The following SBSPON variants were observed in gnomAD, a reference collection of about 807,000 sequenced individuals.
SBSPON encodes the protein somatomedin-B and thrombospondin type-1 domain-containing protein.
A neutral mutation model predicts 35.8 loss-of-function variants in SBSPON; 30 were observed. The observed-to-expected ratio is 0.84, with a 90% CI of 0.63 to 1.14. SBSPON has a LOEUF of 1.14. Ranked by LOEUF, SBSPON falls within the 50% of genes most tolerant of loss-of-function variation. SBSPON has a pLI of 0.00. For missense variants in SBSPON, 364 were observed against 357.7 expected (o/e 1.02, Z -0.14); for synonymous variants, 136 against 135.9 (o/e 1.00, Z 0.00).
At chr8:73,084,257 G>C (rs1433924156) in intron 1 of SBSPON, among the ~76,000 whole-genome samples, 1 of 152,198 alleles carries the variant, frequency 6.6e-6, no homozygotes, top group Non-Finnish European at 1.5e-5. Flanking sequence ...ACAGCCAAAG[G>C]AGAATAAGTT....
intron 2 of SBSPON, among the ~76,000 whole-genome samples, chr8:73,073,939 T>C (rs1167450339): frequency 1.3e-5 from 2 of 152,198 alleles, no homozygotes; most frequent in East Asian, 1.9e-4. Flanking sequence ...ACTGTAGCGT[T>C]TGCATTTCTA....
Position 73,083,165 on chromosome 8 carries a change from A to G in SBSPON, c.215-1952T>C, listed in dbSNP as rs150137446. On this transcript the variant is annotated intron_variant, in intron 1 of 4. Coordinates refer to ENST00000297354, the MANE Select transcript of SBSPON (RefSeq NM_153225.4). ...TGGTCTCACAGTTGAAGTCCTCAAA[A>G]TTACAGAATCAATCATTGCATCAAG... is the stretch of plus-strand genomic sequence containing the variant. Among the ~76,000 whole-genome samples, 52 of 152,318 alleles carry G rather than the reference A, an allele frequency of 3.4e-4. 1 individual carries two copies. In the East Asian group the frequency reaches 9.6e-3, roughly 28 times the overall value.
intron 4 of SBSPON, among the ~76,000 whole-genome samples, chr8:73,069,517 A>G (rs1215399414): frequency 2.6e-5 from 4 of 151,992 alleles, no homozygotes; most frequent in Non-Finnish European, 5.9e-5. Flanking sequence ...CAGTCTACCC[A>G]CCTCGGCCTC....
chr8:73,070,331 T>C (rs1023911622), intron 3 of SBSPON, among the ~76,000 whole-genome samples: 2 of 152,200 alleles, frequency 1.3e-5, no homozygotes, highest in African/African-American at 4.8e-5. Context: ...CTTGATAATT[T>C]TGCTGATCTA....
At position 73,067,197 on chromosome 8, in the gene SBSPON, C is replaced by T; in HGVS notation, c.*144G>A. On this transcript the variant is annotated 3_prime_UTR_variant, in exon 5 of 5. Transcript: ENST00000297354. The stretch of plus-strand genomic sequence containing the variant: ...GACCTGTGTTCCTTGAGAACTGGCC[C>T]CTAAATTTTCTTTCTCTACTTCAGA... The T allele has an allele frequency of 1.9e-6, 1 of 533,180 alleles. No homozygotes were observed. Among genetic ancestry groups the T allele is most frequent in the Middle Eastern group, 3.8e-4 (1 of 2,646 alleles). The allele number at this position is 533,180 out of a possible 1,614,324, so 33.0% of individuals were successfully genotyped here.
At position 73,064,781 on chromosome 8, in the gene SBSPON, C is replaced by G. The variant is rs1810356900; in HGVS notation, c.*2560G>C. ...TTTCCTTCACTTGTTTTTCACTTTT[C>G]TCTTCAAAAATGGCCATTATCCCTT... On this transcript the variant is annotated 3_prime_UTR_variant, in exon 5 of 5. Transcript: ENST00000297354. 6.6e-6 allele frequency: 1 copy of G among 151,924 alleles called. No individual in the cohort carries two copies. Among genetic ancestry groups the G allele is most frequent in the African/African-American group, 2.4e-5 (1 of 41,378 alleles). 9.4% of individuals were successfully genotyped at this position (151,924 alleles called of 1,614,324 possible).
chr8:73,068,033 G>A (rs367880466), intron 4 of SBSPON, among the ~76,000 whole-genome samples: 2 of 152,190 alleles, frequency 1.3e-5, no homozygotes, highest in East Asian at 1.9e-4. Context: ...TGTTCTATGT[G>A]TATTTAAACT....
At position 73,067,243 on chromosome 8, in the gene SBSPON, G is replaced by T; in HGVS notation, c.*98C>A. 1.4e-6 allele frequency: 1 copy of T among 714,472 alleles called. No individual in the cohort carries two copies. Among genetic ancestry groups the T allele is most frequent in the South Asian group, 1.6e-5 (1 of 61,562 alleles). The allele number at this position is 714,472 out of a possible 1,614,324, so 44.3% of individuals were successfully genotyped here. The stretch of plus-strand genomic sequence containing the variant: ...TCAGAGTGTGGCAATGATGTGTTTG[G>T]GGACTTTGGCCAAAATTGAAGGTTT... On this transcript the variant is annotated 3_prime_UTR_variant, in exon 5 of 5. Transcript: ENST00000297354.
At chr8:73,073,801 C>CAAAAAAA (rs548358079) in intron 2 of SBSPON, among the ~76,000 whole-genome samples, 1 of 118,308 alleles carries the variant, frequency 8.5e-6, no homozygotes, top group Non-Finnish European at 1.8e-5. Flanking sequence ...AAGACCATCT[C>CAAAAAAA]AAAAAAAAAA....
At chr8:73,071,350 G>A (rs561543148) in intron 3 of SBSPON, among the ~76,000 whole-genome samples, 2 of 152,274 alleles carry the variant, frequency 1.3e-5, no homozygotes, top group African/African-American at 2.4e-5. Context: ...GCAGAAGAAT[G>A]GATTTCAGCT....
At chr8:73,076,532 A>G (rs1174949580) in intron 2 of SBSPON, among the ~76,000 whole-genome samples, 1 of 152,034 alleles carries the variant, frequency 6.6e-6, no homozygotes, top group African/African-American at 2.4e-5. Flanking sequence ...CTGTAATCCC[A>G]GCTACTCGGG....
chr8:73,071,852 GTAGT>G lies in SBSPON; in HGVS notation c.424_427del (p.Thr142ProfsTer35), dbSNP rs1476165768. Reference sequence around the variant, plus strand: ...TGTTCTCTCCTTGTTGAATGCAGAGGTAGTTATAAAGGCAGGAACTGGAAAAGGG... The same window carrying G: ...TGTTCTCTCCTTGTTGAATGCAGAGGTATAAAGGCAGGAACTGGAAAAGGG... On this transcript the variant is annotated frameshift_variant, in exon 3 of 5. Transcript: ENST00000297354. LOFTEE classifies it high-confidence loss of function. 6.2e-7 allele frequency: 1 copy of G among 1,608,564 alleles called. No homozygotes were observed.
chr8:73,087,900 C>T (rs1334324082), intron 1 of SBSPON, among the ~76,000 whole-genome samples: 1 of 152,228 alleles, frequency 6.6e-6, no homozygotes, highest in Non-Finnish European at 1.5e-5. Context: ...GGGATGTTAT[C>T]CACCTCATAA....
At chr8:73,067,809 G>A (rs940488502) in intron 4 of SBSPON, among the ~76,000 whole-genome samples, 2 of 148,290 alleles carry the variant, frequency 1.3e-5, no homozygotes, top group Non-Finnish European at 1.5e-5. Context: ...CCTGGCTCAC[G>A]CTGGGATTAG....
chr8:73,087,547 C>T (rs971791501), intron 1 of SBSPON, among the ~76,000 whole-genome samples: 9 of 152,132 alleles, frequency 5.9e-5, no homozygotes, highest in Admixed American at 1.3e-4. Flanking sequence ...AAGCCAAAGG[C>T]GATGTCTCTC....
chr8:73,080,891 C>T, intron 2 of SBSPON, 128 bp downstream of exon 2: 2 of 715,218 alleles, frequency 2.8e-6, no homozygotes, highest in East Asian at 5.9e-5. Flanking sequence ...CTACTTTGGG[C>T]AGCCTGGCCC....
rs761523024 is a variant in SBSPON, at chr8:73,081,193, C to A, written c.235G>T (p.Glu79Ter). Residue 79 changes from glutamate to a stop codon, truncating the protein, a stop_gained, in exon 2 of 5, where the codon GAA becomes TAA. Coordinates refer to ENST00000297354, the MANE Select transcript of SBSPON (RefSeq NM_153225.4). LOFTEE classifies it high-confidence loss of function. ...GCACAACCACTCCAGGGGCTCCATT[C>A]CCCCACGAAGCACGGGCGAGCTGAA... is the stretch of plus-strand genomic sequence containing the variant. ...ACPARPCFVGEWSPWSGCADQ... is the reference protein window; with the variant it reads ...ACPARPCFVG 12 of 1,589,224 alleles carry A rather than the reference C, an allele frequency of 7.6e-6. No homozygotes were observed. In the East Asian group the frequency reaches 2.5e-4, roughly 33 times the overall value.
rs1004449138 is a variant in SBSPON at position 73,066,245 on chromosome 8, A to G, written c.*1096T>C. 1 of 152,184 alleles carries G rather than the reference A, an allele frequency of 6.6e-6. No homozygotes were observed. Among genetic ancestry groups the G allele is most frequent in the Non-Finnish European group, 1.5e-5 (1 of 68,032 alleles). 9.4% of individuals were successfully genotyped at this position (152,184 alleles called of 1,614,324 possible). Reference sequence around the variant, plus strand: ...AGCTTTTCCAGCACAGTGTTTGGCAAAGTCAGGCTTTTCATGGAGTTCTGG... The same window carrying G: ...AGCTTTTCCAGCACAGTGTTTGGCAGAGTCAGGCTTTTCATGGAGTTCTGG... On this transcript the variant is annotated 3_prime_UTR_variant, in exon 5 of 5. Coordinates refer to ENST00000297354, the MANE Select transcript of SBSPON (RefSeq NM_153225.4).
chr8:73,082,326 TC>T (rs1440592853), intron 1 of SBSPON, among the ~76,000 whole-genome samples: 8 of 152,210 alleles, frequency 5.3e-5, no homozygotes, highest in Non-Finnish European at 1.0e-4. Context: ...AACATTTTTT[TC>T]CCCTTGAAGT....
Sources: allele counts gnomAD v4.1 joint callset (sites outside exome capture counted in the v4.1 genomes callset), GRCh38; gene constraint gnomAD v4.1.1; transcripts MANE v1.5; gene names NCBI Gene and HGNC (gene_info 2026-07-23, HGNC 2026-07-21).